The following AGMO variants were observed in gnomAD, a reference collection of about 807,000 sequenced individuals.
AGMO encodes glyceryl-ether monooxygenase.
A neutral mutation model predicts 60.2 loss-of-function variants in AGMO; 75 were observed. That is an observed-to-expected ratio of 1.25 (90% CI 1.03 to 1.51). The LOEUF (loss-of-function observed/expected upper bound fraction) is 1.51. Ranked by LOEUF, AGMO falls within the 40% of genes most tolerant of loss-of-function variation. The pLI is 0.00. For missense variants in AGMO, 763 were observed against 525.5 expected, an observed-to-expected ratio of 1.45 and a Z score of -4.42; for synonymous variants, 261 against 177.1, an observed-to-expected ratio of 1.47 and a Z score of -3.76.
intron 12 of AGMO, among the ~76,000 whole-genome samples, chr7:15,289,622 AT>A (rs1419640839): frequency 6.6e-6 from 1 of 151,992 alleles, no homozygotes; most frequent in Non-Finnish European, 1.5e-5. Flanking sequence ...AATAATAGAT[AT>A]TATAAGTTTA....
chr7:15,219,945 A>T (rs1440150629), intron 12 of AGMO, among the ~76,000 whole-genome samples: 1 of 152,080 alleles, frequency 6.6e-6, no homozygotes, highest in South Asian at 2.1e-4. Context: ...CACACCCCAG[A>T]TCTTTCCTGT....
At chr7:15,459,883 T>C (rs1468515728) in intron 3 of AGMO, among the ~76,000 whole-genome samples, 3 of 152,138 alleles carry the variant, frequency 2.0e-5, no homozygotes, top group South Asian at 4.1e-4. Context: ...TCAGATACCA[T>C]GTTTTATAAG....
intron 2 of AGMO, among the ~76,000 whole-genome samples, chr7:15,557,009 G>A (rs1023358056): frequency 6.6e-6 from 1 of 151,852 alleles, no homozygotes; most frequent in Non-Finnish European, 1.5e-5. Context: ...ACATAATATT[G>A]TCCATCGTTA....
intron 12 of AGMO, among the ~76,000 whole-genome samples, chr7:15,219,338 TG>T (rs1264810142): frequency 1.3e-5 from 2 of 152,142 alleles, no homozygotes; most frequent in Admixed American, 6.6e-5. Flanking sequence ...GCACAGTAGT[TG>T]TTCAATTAAG....
chr7:15,373,125 A>G (rs1434198772), intron 10 of AGMO, among the ~76,000 whole-genome samples: 1 of 151,982 alleles, frequency 6.6e-6, no homozygotes, highest in African/African-American at 2.4e-5. Flanking sequence ...TAATACAAAA[A>G]TTATCTGGGC....
chr7:15,268,287 C>G (rs953895150), intron 12 of AGMO, among the ~76,000 whole-genome samples: 7 of 152,030 alleles, frequency 4.6e-5, no homozygotes, highest in Middle Eastern at 3.4e-3. Flanking sequence ...GTTTTAAAAG[C>G]CTTTCCTTTA....
chr7:15,394,388 G>A (rs1302166638), intron 5 of AGMO, among the ~76,000 whole-genome samples: 2 of 152,300 alleles, frequency 1.3e-5, no homozygotes, highest in Admixed American at 6.5e-5. Context: ...GTGGCATGGT[G>A]AGTATGGTGT....
chr7:15,345,818 G>A (rs532392116), intron 12 of AGMO, among the ~76,000 whole-genome samples: 61 of 152,178 alleles, frequency 4.0e-4, no homozygotes, highest in African/African-American at 1.4e-3. Flanking sequence ...ACCTCAATTT[G>A]TATGAGTCCT....
intron 12 of AGMO, among the ~76,000 whole-genome samples, chr7:15,279,003 G>C (rs188709541): frequency 5.3e-5 from 8 of 152,248 alleles, no homozygotes; most frequent in Non-Finnish European, 7.4e-5. Flanking sequence ...TGAGTCACAT[G>C]AAAGTGCTTA....
the AGMO span, among the ~76,000 whole-genome samples, chr7:15,187,898 C>CG: frequency 4.8e-5 from 4 of 83,696 alleles, no homozygotes; most frequent in African/African-American, 2.3e-4. Flanking sequence ...CAAGGATTAA[C>CG]TCCCCCCCGA....
intron 12 of AGMO, among the ~76,000 whole-genome samples, chr7:15,307,362 TATAA>T (rs563553156): frequency 8.5e-5 from 13 of 152,060 alleles, no homozygotes; most frequent in African/African-American, 2.2e-4. Flanking sequence ...TACCATTACT[TATAA>T]ATATAGTTCA....
chr7:15,236,439 G>T (rs768611052), intron 12 of AGMO, among the ~76,000 whole-genome samples: 2 of 152,102 alleles, frequency 1.3e-5, no homozygotes, highest in African/African-American at 4.8e-5. Context: ...AAGGGAAGTA[G>T]TTTTGCTAGG....
chr7:15,198,690 TC>T (rs1781199018), downstream of AGMO, among the ~76,000 whole-genome samples: 2 of 152,054 alleles, frequency 1.3e-5, no homozygotes, highest in Admixed American at 1.3e-4. Flanking sequence ...TGCTCACTGA[TC>T]AGGTCAGAGA....
At chr7:15,124,422 T>C in the AGMO span, among the ~76,000 whole-genome samples, 1 of 152,026 alleles carries the variant, frequency 6.6e-6, no homozygotes, top group Non-Finnish European at 1.5e-5. Context: ...GTCTATGTTG[T>C]GTTGTTTTGG....
At chr7:15,455,243 T>TTTC (rs757487875) in intron 3 of AGMO, among the ~76,000 whole-genome samples, 39 of 152,134 alleles carry the variant, frequency 2.6e-4, no homozygotes, top group Non-Finnish European at 5.0e-4. Context: ...GTTATGATGT[T>TTTC]TTCTTCTTCC....
At chr7:15,176,128 A>ATGC in the AGMO span, among the ~76,000 whole-genome samples, 4 of 152,014 alleles carry the variant, frequency 2.6e-5, no homozygotes, top group African/African-American at 9.7e-5. Flanking sequence ...TCCTATTTTT[A>ATGC]TGCTTCAAGA....
chr7:15,469,814 T>C (rs1316810458), intron 3 of AGMO, among the ~76,000 whole-genome samples: 1 of 152,002 alleles, frequency 6.6e-6, no homozygotes, highest in African/African-American at 2.4e-5. Flanking sequence ...CTAGGAGATA[T>C]CTAGGAAGAG....
chr7:15,273,937 G>T (rs913611488), intron 12 of AGMO, among the ~76,000 whole-genome samples: 3 of 152,162 alleles, frequency 2.0e-5, no homozygotes, highest in Non-Finnish European at 2.9e-5. Flanking sequence ...TGTTATTTGT[G>T]TATAAGAATG....
chr7:15,191,591 T>G, the AGMO span, among the ~76,000 whole-genome samples: 1 of 152,182 alleles, frequency 6.6e-6, no homozygotes, highest in African/African-American at 2.4e-5. Context: ...TCTCTTATAA[T>G]TAAGGGCAAC....
Sources: gnomAD v4.1 joint callset for allele counts (sites outside exome capture counted in the v4.1 genomes callset) on GRCh38, gnomAD v4.1.1 for gene constraint, MANE v1.5 for transcripts, NCBI Gene and HGNC (gene_info 2026-07-23, HGNC 2026-07-21) for gene names.